The following CLSTN2 variants were observed in gnomAD, a reference collection of about 807,000 sequenced individuals.
CLSTN2 encodes calsyntenin-2.
A neutral mutation model predicts 101.2 loss-of-function variants in CLSTN2; 48 were observed. The ratio of observed to expected loss-of-function variants is 0.47; its 90% CI spans 0.38 to 0.60. The LOEUF (loss-of-function observed/expected upper bound fraction) is 0.60, where lower values mean the gene tolerates loss of function less well. Ranked by LOEUF, CLSTN2 falls within the 20% of genes least tolerant of loss-of-function variation. The pLI is 0.00. For synonymous variants in CLSTN2, 481 were observed against 463.6 expected, an observed-to-expected ratio of 1.04 and a Z score of -0.48; for missense variants, 1,160 against 1,238.2, an observed-to-expected ratio of 0.94 and a Z score of 0.95.
At chr3:140,059,035 A>T (rs1201569132) in intron 1 of CLSTN2, among the ~76,000 whole-genome samples, 2 of 152,244 alleles carry the variant, frequency 1.3e-5, no homozygotes, top group Non-Finnish European at 2.9e-5. Context: ...GTAAAGACCC[A>T]TGGCAGTAGT....
At chr3:140,319,494 G>T (rs1239831936) in intron 2 of CLSTN2, among the ~76,000 whole-genome samples, 2 of 152,202 alleles carry the variant, frequency 1.3e-5, no homozygotes, top group African/African-American at 4.8e-5. Flanking sequence ...TCTTTCAATT[G>T]AGTGACAGTG....
At chr3:140,422,197 C>G (rs1210498416) in intron 5 of CLSTN2, among the ~76,000 whole-genome samples, 1 of 77,740 alleles carries the variant, frequency 1.3e-5, no homozygotes, top group Non-Finnish European at 3.0e-5. Context: ...CTTTCTCTCT[C>G]TCTCTCTCTC....
At chr3:140,013,787 C>T (rs901336243) in intron 1 of CLSTN2, among the ~76,000 whole-genome samples, 1 of 152,098 alleles carries the variant, frequency 6.6e-6, no homozygotes, top group African/African-American at 2.4e-5. Context: ...AAGCTGACTC[C>T]TCCAGATGTC....
At chr3:140,510,790 A>T (rs926394095) in intron 8 of CLSTN2, among the ~76,000 whole-genome samples, 1 of 152,222 alleles carries the variant, frequency 6.6e-6, no homozygotes, top group African/African-American at 2.4e-5. Context: ...TGCAAATGAG[A>T]GTAACATCTT....
At chr3:140,540,093 T>G (rs1168960638) in intron 9 of CLSTN2, among the ~76,000 whole-genome samples, 1 of 152,176 alleles carries the variant, frequency 6.6e-6, no homozygotes, top group East Asian at 1.9e-4. Flanking sequence ...GTATCTTCCT[T>G]TTTCAGGCCC....
chr3:140,354,467 C>A (rs2087643057), intron 2 of CLSTN2, among the ~76,000 whole-genome samples: 1 of 152,234 alleles, frequency 6.6e-6, no homozygotes, highest in Admixed American at 6.5e-5. Flanking sequence ...TTCTGTGTCA[C>A]TCCATTCATG....
At chr3:140,224,771 T>G (rs1281582897) in intron 2 of CLSTN2, among the ~76,000 whole-genome samples, 2 of 152,132 alleles carry the variant, frequency 1.3e-5, no homozygotes, top group East Asian at 3.9e-4. Flanking sequence ...AATCCACCAT[T>G]CCCCAAACTT....
At chr3:140,158,373 A>G (rs972981794) in intron 1 of CLSTN2, among the ~76,000 whole-genome samples, 29 of 152,220 alleles carry the variant, frequency 1.9e-4, no homozygotes, top group African/African-American at 6.0e-4. Context: ...ATCTCTGTAC[A>G]AAAGCCAGTA....
chr3:140,387,424 C>A (rs1293244231), intron 2 of CLSTN2, among the ~76,000 whole-genome samples: 1 of 152,216 alleles, frequency 6.6e-6, no homozygotes, highest in African/African-American at 2.4e-5. Context: ...ACTAACCTCT[C>A]CATTGGGCAG....
At chr3:140,557,687 C>A (rs183419798) in intron 11 of CLSTN2, among the ~76,000 whole-genome samples, 1 of 152,260 alleles carries the variant, frequency 6.6e-6, no homozygotes, top group Non-Finnish European at 1.5e-5. Flanking sequence ...CCCAGACTAC[C>A]ATTTCCTTGA....
rs751648063 is a variant in CLSTN2, at chr3:140,404,544, G to A, written c.429-14G>A. 1 of 1,613,270 alleles carries A rather than the reference G, an allele frequency of 6.2e-7. No individual in the cohort carries two copies. The highest frequency in any genetic ancestry group is 1.1e-5 in the South Asian group (1 of 91,062). ...TCTTTACCACCATCCCTTCCTTTCT[G>A]TGTGTGGTCCCAGGGCCGTGGTCCA... is the stretch of plus-strand genomic sequence containing the variant. On this transcript the variant is annotated splice_polypyrimidine_tract_variant and intron_variant, in intron 3 of 16. Transcript: ENST00000458420.
At chr3:140,315,152 A>T (rs899975758) in intron 2 of CLSTN2, among the ~76,000 whole-genome samples, 1 of 152,204 alleles carries the variant, frequency 6.6e-6, no homozygotes, top group Non-Finnish European at 1.5e-5. Context: ...ACATCCGTGG[A>T]TCCTGCTCAG....
chr3:140,301,771 C>G (rs1415169838), intron 2 of CLSTN2, among the ~76,000 whole-genome samples: 3 of 152,192 alleles, frequency 2.0e-5, no homozygotes, highest in Admixed American at 2.0e-4. Context: ...GGTACTCCTC[C>G]TGGAGGCTGT....
intron 2 of CLSTN2, among the ~76,000 whole-genome samples, chr3:140,368,699 C>A (rs943875213): frequency 6.6e-6 from 1 of 152,112 alleles, no homozygotes; most frequent in African/African-American, 2.4e-5. Context: ...GAAGAGCCCA[C>A]CACCTGTGCA....
intron 2 of CLSTN2, among the ~76,000 whole-genome samples, chr3:140,394,522 T>C (rs1214245631): frequency 1.3e-5 from 2 of 152,220 alleles, no homozygotes; most frequent in African/African-American, 2.4e-5. Flanking sequence ...CAGCAAGCAA[T>C]TGATTCTGGA....
At chr3:140,533,758 A>C (rs750948141) in intron 9 of CLSTN2, among the ~76,000 whole-genome samples, 1 of 151,550 alleles carries the variant, frequency 6.6e-6, no homozygotes, top group Non-Finnish European at 1.5e-5. Context: ...AGACCAACTG[A>C]CCCATGAGTG....
intron 2 of CLSTN2, among the ~76,000 whole-genome samples, chr3:140,347,036 G>A (rs907883449): frequency 1.3e-5 from 2 of 152,192 alleles, no homozygotes; most frequent in African/African-American, 4.8e-5. Context: ...TCTCTCTGAG[G>A]AGGGATTTCA....
At chr3:140,243,418 A>G (rs1205578674) in intron 2 of CLSTN2, among the ~76,000 whole-genome samples, 2 of 152,238 alleles carry the variant, frequency 1.3e-5, no homozygotes, top group African/African-American at 4.8e-5. Context: ...GTCCTGAGAC[A>G]TCTGGGTTAT....
At chr3:140,410,125 A>T (rs2107983093) in intron 4 of CLSTN2, among the ~76,000 whole-genome samples, 1 of 152,218 alleles carries the variant, frequency 6.6e-6, no homozygotes, top group Admixed American at 6.5e-5. Context: ...TAGAAAGCTT[A>T]TTTAAAGGCA....
Sources: gnomAD v4.1 joint callset for allele counts (sites outside exome capture counted in the v4.1 genomes callset) on GRCh38, gnomAD v4.1.1 for gene constraint, MANE v1.5 for transcripts, NCBI Gene and HGNC (gene_info 2026-07-23, HGNC 2026-07-21) for gene names.